PROSER1: variants seen among roughly 807,000 people sequenced by gnomAD.
The protein encoded by PROSER1 is proline and serine-rich protein 1.
A neutral mutation model predicts 71.8 loss-of-function variants in PROSER1; 36 were observed. The ratio of observed to expected loss-of-function variants is 0.50; its 90% CI spans 0.38 to 0.66. The LOEUF is 0.66. PROSER1 is among the 30% of genes least tolerant of loss of function. PROSER1 has a pLI of 0.00. For missense variants in PROSER1, 1,107 were observed against 1,135.0 expected, an observed-to-expected ratio of 0.98 and a Z score of 0.35; for synonymous variants, 490 against 452.4, an observed-to-expected ratio of 1.08 and a Z score of -1.06.
At chr13:39,026,985 T>A (rs1039617515) in intron 5 of PROSER1, among the ~76,000 whole-genome samples, 1 of 152,052 alleles carries the variant, frequency 6.6e-6, no homozygotes, top group Non-Finnish European at 1.5e-5. Context: ...GCACACACAC[T>A]GAGTTGGTGC....
chr13:39,036,386 T>A (rs911678740), intron 1 of PROSER1, among the ~76,000 whole-genome samples: 5 of 152,204 alleles, frequency 3.3e-5, no homozygotes, highest in African/African-American at 1.2e-4. Context: ...GGCAACAATT[T>A]CTTCCGTTTC....
intron 1 of PROSER1, among the ~76,000 whole-genome samples, chr13:39,035,752 T>G (rs1871072180): frequency 6.6e-6 from 1 of 152,230 alleles, no homozygotes; most frequent in African/African-American, 2.4e-5. Context: ...ATGACCTGGT[T>G]TAAACTGACT....
intron 12 of PROSER1, 125 bp downstream of exon 12, chr13:39,011,958 T>C: frequency 1.0e-6 from 1 of 992,926 alleles, no homozygotes; most frequent in Non-Finnish European, 1.5e-6. Flanking sequence ...ATCAAATCTC[T>C]ATGCATTCTG....
Position 39,011,113 on chromosome 13 carries a change from AG to A in PROSER1, c.*251del. ...TCACATACACAATTCAAAATTTTAT[AG>A]GACAGGTGAAAAGTCTCCAAACACT... On this transcript the variant is annotated 3_prime_UTR_variant, in exon 13 of 13. Transcript: ENST00000352251. The A allele has an allele frequency of 2.5e-6, 1 of 398,548 alleles. No individual in the cohort carries two copies. The highest frequency in any genetic ancestry group is 4.6e-6 in the Non-Finnish European group (1 of 219,000). 24.7% of individuals were successfully genotyped at this position (398,548 alleles called of 1,614,324 possible). A position where few individuals can be genotyped will look rare whatever the true frequency, so the allele number is the denominator to read the frequency against.
chr13:39,026,337 T>C lies in PROSER1; in HGVS notation c.420A>G (p.Gly140=). 6.2e-7 allele frequency: 1 copy of C among 1,612,612 alleles called. No individual in the cohort carries two copies. Among genetic ancestry groups the C allele is most frequent in the Non-Finnish European group, 8.5e-7 (1 of 1,179,604 alleles). ...TGGGATATGGATTTCCTGGGATTGT[T>C]CCACAAGAAGATATCATAGCATGAG... ...KAPHAMISSC[G]TIPGNPYPKG... Residue 140 remains glycine (G), a synonymous_variant, in exon 6 of 13, where the codon GGA becomes GGG. Coordinates refer to ENST00000352251, the MANE Select transcript of PROSER1 (RefSeq NM_025138.5).
At chr13:39,014,612 A>T in intron 10 of PROSER1, 136 bp from the exon 11 acceptor site, 1 of 677,014 alleles carries the variant, frequency 1.5e-6, no homozygotes, top group Non-Finnish European at 2.4e-6. Context: ...GGCTCTTGTA[A>T]TATCTAAATT....
At chr13:39,026,587 TTAACA>T in intron 5 of PROSER1, 200 bp from the exon 6 acceptor site, 1 of 468,320 alleles carries the variant, frequency 2.1e-6, no homozygotes, top group South Asian at 4.3e-5. Context: ...ATTAAAATGG[TTAACA>T]TAATAATGCT....
At chr13:39,032,618 A>C (rs928327319) in intron 2 of PROSER1, among the ~76,000 whole-genome samples, 1 of 152,202 alleles carries the variant, frequency 6.6e-6, no homozygotes, top group Admixed American at 6.5e-5. Flanking sequence ...TATATATAGC[A>C]AATAAGTATT....
At position 39,029,558 on chromosome 13, in the gene PROSER1, G is replaced by A. The variant is rs868525596; in HGVS notation, c.181-183C>T. 3.9e-5 allele frequency among the ~76,000 whole-genome samples: 6 copies of A among 152,142 alleles called. 1 individual carries two copies. In the South Asian group the frequency reaches 1.2e-3, roughly 32 times the overall value. ...AATAAATGAATTATGCTCTATCAAC[G>A]TAACCATTTCAGTTGAAGATCTAAT... On this transcript the variant is annotated intron_variant, in intron 3 of 12. Transcript: ENST00000352251.
chr13:39,013,997 T>A lies in PROSER1; in HGVS notation c.1255A>T (p.Asn419Tyr), dbSNP rs1471954921. The change falls in exon 11 of 13, where the codon AAC becomes TAC. Residue 419 changes from asparagine to tyrosine, a missense_variant. Asn to Tyr is a moderately radical substitution (Grantham distance 143). Coordinates refer to ENST00000352251, the MANE Select transcript of PROSER1 (RefSeq NM_025138.5). The part of the protein sequence containing the change: ...STSSSAASTS[N>Y]PNSASLSSVF... Reference sequence around the variant, plus strand: ...GATGACAATGAAGCAGAATTTGGGTTGCTGGTAGAAGCAGCAGAAGAGCTG... The same window carrying A: ...GATGACAATGAAGCAGAATTTGGGTAGCTGGTAGAAGCAGCAGAAGAGCTG... 1.2e-6 allele frequency: 2 copies of A among 1,614,138 alleles called. No homozygotes were observed. Among genetic ancestry groups the A allele is most frequent in the African/African-American group, 2.7e-5 (2 of 75,026 alleles).
chr13:39,021,214 A>G (rs187294254), intron 9 of PROSER1, among the ~76,000 whole-genome samples: 4 of 152,280 alleles, frequency 2.6e-5, no homozygotes, highest in Admixed American at 2.6e-4. Flanking sequence ...TTACTCTTCT[A>G]ATCTGCATGT....
chr13:39,031,699 T>G (rs1299833556), intron 2 of PROSER1, 68 bp from the exon 3 acceptor site: 1 of 1,409,118 alleles, frequency 7.1e-7, no homozygotes, highest in Non-Finnish European at 1.0e-6. Context: ...ATTTCAGTAC[T>G]TGAAATTATA....
At chr13:39,036,276 T>C (rs141084747) in intron 1 of PROSER1, among the ~76,000 whole-genome samples, 8 of 152,126 alleles carry the variant, frequency 5.3e-5, no homozygotes, top group African/African-American at 1.9e-4. Context: ...ACACGTCAAT[T>C]TGAAAAAAGA....
chr13:39,017,128 T>C (rs1870043246), intron 10 of PROSER1, among the ~76,000 whole-genome samples: 1 of 152,238 alleles, frequency 6.6e-6, no homozygotes, highest in Non-Finnish European at 1.5e-5. Flanking sequence ...AAATAGAATC[T>C]GACTAGCATT....
rs1022997175 is a variant in PROSER1, at chr13:39,011,291, A to G, written c.*74T>C. The G allele has an allele frequency of 1.1e-5, 17 of 1,484,214 alleles. No homozygotes were observed. The highest frequency in any genetic ancestry group is 1.6e-5 in the Non-Finnish European group (17 of 1,080,610). The allele number at this position is 1,484,214 out of a possible 1,614,324, so 91.9% of individuals were successfully genotyped here. On this transcript the variant is annotated 3_prime_UTR_variant, in exon 13 of 13. Transcript: ENST00000352251. The stretch of plus-strand genomic sequence containing the variant: ...TTTTCCGACTTTTGGCCAGCTTCAC[A>G]TTTGTCAGATTGTTCATTGCAGTTC...
At chr13:39,020,288 T>C (rs558505578) in intron 9 of PROSER1, among the ~76,000 whole-genome samples, 1 of 152,194 alleles carries the variant, frequency 6.6e-6, no homozygotes, top group East Asian at 1.9e-4. Context: ...TATAAAGATA[T>C]ATACACATAA....
At chr13:39,036,450 C>G (rs1002364254) in intron 1 of PROSER1, among the ~76,000 whole-genome samples, 1 of 151,928 alleles carries the variant, frequency 6.6e-6, no homozygotes, top group Non-Finnish European at 1.5e-5. Flanking sequence ...CCCGGAAGGC[C>G]GAAGGAAAGC....
chr13:39,014,576 C>A, intron 10 of PROSER1, 100 bp from the exon 11 acceptor site: 3 of 855,302 alleles, frequency 3.5e-6, no homozygotes, highest in Non-Finnish European at 5.3e-6. Context: ...TTAACAAATA[C>A]CAAATAAAAA....
chr13:39,024,393 A>C, intron 7 of PROSER1, 80 bp downstream of exon 7: 1 of 1,054,286 alleles, frequency 9.5e-7, no homozygotes, highest in South Asian at 1.4e-5. Flanking sequence ...GCAACACAAA[A>C]ATAAAATTTA....
Sources: allele counts gnomAD v4.1 joint callset (sites outside exome capture counted in the v4.1 genomes callset), GRCh38; gene constraint gnomAD v4.1.1; transcripts MANE v1.5; gene names NCBI Gene and HGNC (gene_info 2026-07-23, HGNC 2026-07-21).